FRMD4A: variants seen among roughly 807,000 people sequenced by gnomAD.
FRMD4A encodes FERM domain containing 4A.
A neutral mutation model predicts 129.1 loss-of-function variants in FRMD4A; 29 were observed. The observed-to-expected ratio is 0.22, with a 90% CI of 0.17 to 0.31. The LOEUF is 0.31. Among genes scored for constraint, FRMD4A ranks in the 10% least tolerant of loss-of-function variants. The pLI, the probability that FRMD4A is intolerant of heterozygous loss-of-function variation, is 1.00. For synonymous variants in FRMD4A, 634 were observed against 571.6 expected, an observed-to-expected ratio of 1.11 and a Z score of -1.56; for missense variants, 1,272 against 1,375.8, an observed-to-expected ratio of 0.92 and a Z score of 1.19.
At chr10:13,990,768 G>A (rs1438041872) in intron 2 of FRMD4A, among the ~76,000 whole-genome samples, 1 of 152,118 alleles carries the variant, frequency 6.6e-6, no homozygotes, top group Admixed American at 6.5e-5. Flanking sequence ...GCCAGAATCC[G>A]CATTTGGGAA....
intron 2 of FRMD4A, among the ~76,000 whole-genome samples, chr10:14,308,352 T>C (rs1218408): frequency 0.047 from 7,145 of 152,226 alleles, 473 homozygotes; most frequent in African/African-American, 0.15. Flanking sequence ...TTACATCTCG[T>C]CTTTGTTTCA....
In FRMD4A at chr10:14,088,785, C is replaced by CAAAAAA. The variant is rs58056105; in HGVS notation, c.46-229879_46-229874dup. On this transcript the variant is annotated intron_variant, in intron 2 of 24. Coordinates refer to ENST00000357447, the MANE Select transcript of FRMD4A (RefSeq NM_018027.5). ...TGGGGGACAGAGCAAGACTCTGTCT[C>CAAAAAA]AAAAAAAAAAAAAAAAAAAAGTAAA... is the stretch of plus-strand genomic sequence containing the variant. Among the ~76,000 whole-genome samples the CAAAAAA allele has an allele frequency of 1.4e-3, 100 of 73,740 alleles. 2 individuals are homozygous for CAAAAAA. Among genetic ancestry groups the CAAAAAA allele is most frequent in the African/African-American group, 3.7e-3 (65 of 17,472 alleles). 48.4% of individuals were successfully genotyped at this position (73,740 alleles called of 152,430 possible).
chr10:13,770,386 G>A (rs1405938566), intron 6 of FRMD4A, among the ~76,000 whole-genome samples: 1 of 152,182 alleles, frequency 6.6e-6, no homozygotes, highest in Admixed American at 6.5e-5. Context: ...GACAGCCCAT[G>A]TCAGGATCTC....
At chr10:13,654,689 A>G in intron 22 of FRMD4A, 177 bp from the exon 23 acceptor site, 3 of 597,656 alleles carry the variant, frequency 5.0e-6, no homozygotes, top group Non-Finnish European at 8.9e-6. Context: ...ACAGTGGGCA[A>G]CCATCTCTAC....
At chr10:14,103,061 C>G (rs1837394172) in intron 2 of FRMD4A, among the ~76,000 whole-genome samples, 1 of 152,164 alleles carries the variant, frequency 6.6e-6, no homozygotes, top group African/African-American at 2.4e-5. Flanking sequence ...AAAGGATTTA[C>G]TTTTTGTTCT....
chr10:14,171,200 A>G (rs1841459479), intron 2 of FRMD4A, among the ~76,000 whole-genome samples: 2 of 152,116 alleles, frequency 1.3e-5, no homozygotes, highest in South Asian at 2.1e-4. Context: ...AAACCACTCA[A>G]TCACCTTCTC....
chr10:14,085,669 A>G (rs1836226366), intron 2 of FRMD4A, among the ~76,000 whole-genome samples: 2 of 152,228 alleles, frequency 1.3e-5, no homozygotes, highest in African/African-American at 4.8e-5. Context: ...AACACAGAGC[A>G]AAATGGCAAC....
intron 2 of FRMD4A, among the ~76,000 whole-genome samples, chr10:14,299,004 A>G (rs924155745): frequency 1.3e-5 from 2 of 152,232 alleles, no homozygotes; most frequent in African/African-American, 4.8e-5. Flanking sequence ...AAGGATGACC[A>G]AAGTTTCCCA....
chr10:14,075,502 C>T (rs529431991), intron 2 of FRMD4A, among the ~76,000 whole-genome samples: 1 of 152,270 alleles, frequency 6.6e-6, no homozygotes, highest in African/African-American at 2.4e-5. Flanking sequence ...CTCTTTCTGT[C>T]GTTGCTCCTT....
At chr10:13,680,659 G>A (rs1045300946) in intron 15 of FRMD4A, among the ~76,000 whole-genome samples, 1 of 152,166 alleles carries the variant, frequency 6.6e-6, no homozygotes, top group Admixed American at 6.5e-5. Flanking sequence ...CTCGGAGGCG[G>A]AGGTTGCGGT....
chr10:14,120,817 G>T (rs954298434), intron 2 of FRMD4A, among the ~76,000 whole-genome samples: 1 of 152,162 alleles, frequency 6.6e-6, no homozygotes, highest in African/African-American at 2.4e-5. Context: ...AGCTACTCTT[G>T]CCTTAACCAG....
At chr10:14,283,939 C>T (rs763257116) in intron 2 of FRMD4A, among the ~76,000 whole-genome samples, 3 of 152,300 alleles carry the variant, frequency 2.0e-5, no homozygotes, top group East Asian at 1.9e-4. Context: ...GCCAATATTA[C>T]TGTCAATTTG....
intron 2 of FRMD4A, among the ~76,000 whole-genome samples, chr10:14,065,640 A>C (rs1412463453): frequency 6.6e-6 from 1 of 152,132 alleles, no homozygotes; most frequent in Non-Finnish European, 1.5e-5. Context: ...CAAGCCCCCA[A>C]AACTAAAATA....
intron 2 of FRMD4A, among the ~76,000 whole-genome samples, chr10:13,959,953 GC>G (rs1232543459): frequency 2.0e-5 from 3 of 152,210 alleles, no homozygotes; most frequent in African/African-American, 7.2e-5. Context: ...CGTGGAAAAG[GC>G]ACCGTGGCTG....
In FRMD4A at chr10:13,821,470, G is replaced by A. The variant is rs17154068; in HGVS notation, c.112-10562C>T. ...GCCCAGCCTGAACCGGGATCCATTC[G>A]TGCACATGAGACAAATCCTTTACCT... On this transcript the variant is annotated intron_variant, in intron 3 of 24. Transcript: ENST00000357447. The surrounding 1 kb of genome is among the most constrained non-coding windows in gnomAD (Gnocchi z 4.3). Among the ~76,000 whole-genome samples the A allele has an allele frequency of 3.3e-5, 5 of 152,112 alleles. No individual in the cohort carries two copies. The highest frequency in any genetic ancestry group is 2.1e-4 in the South Asian group (1 of 4,824).
intron 2 of FRMD4A, among the ~76,000 whole-genome samples, chr10:14,191,707 G>A (rs752680039): frequency 2.8e-4 from 42 of 151,946 alleles, no homozygotes; most frequent in Non-Finnish European, 4.9e-4. Flanking sequence ...TAGAATGTGT[G>A]ACATTTAACA....
intron 2 of FRMD4A, among the ~76,000 whole-genome samples, chr10:13,988,224 T>C (rs1260111390): frequency 6.6e-6 from 1 of 152,220 alleles, no homozygotes; most frequent in African/African-American, 2.4e-5. Flanking sequence ...TTTGGTCATG[T>C]AGGAGTTACA....
intron 3 of FRMD4A, among the ~76,000 whole-genome samples, chr10:13,848,913 G>A (rs535493101): frequency 5.9e-4 from 90 of 152,256 alleles, no homozygotes; most frequent in Non-Finnish European, 1.0e-3. Flanking sequence ...CACTCAATGC[G>A]TTTTTTATTA....
chr10:14,010,085 G>A (rs370174855), intron 2 of FRMD4A, among the ~76,000 whole-genome samples: 1 of 151,666 alleles, frequency 6.6e-6, no homozygotes, highest in African/African-American at 2.4e-5. Context: ...TGAGAGTCAC[G>A]GCATGTCATT....
Sources: allele counts gnomAD v4.1 joint callset (sites outside exome capture counted in the v4.1 genomes callset), GRCh38; gene constraint gnomAD v4.1.1; non-coding constraint Gnocchi (gnomAD v3.1); transcripts MANE v1.5; gene names NCBI Gene and HGNC (gene_info 2026-07-23, HGNC 2026-07-21).